Variants in VIT observed in about 807,000 individuals in gnomAD.
The protein encoded by VIT is vitrin.
VIT carries 99 observed loss-of-function variants against 78.0 expected under a neutral mutation model. That is an observed-to-expected ratio of 1.27 (90% CI 1.08 to 1.50). VIT has a LOEUF of 1.50. VIT is among the 40% of genes most tolerant of loss of function. The pLI is 0.00. For missense variants in VIT, 1,126 were observed against 875.3 expected, an observed-to-expected ratio of 1.29 and a Z score of -3.61; for synonymous variants, 374 against 334.3, an observed-to-expected ratio of 1.12 and a Z score of -1.29.
At chr2:36,716,094 A>T (rs926235788) in intron 1 of VIT, among the ~76,000 whole-genome samples, 6 of 152,184 alleles carry the variant, frequency 3.9e-5, no homozygotes, top group African/African-American at 1.2e-4. Flanking sequence ...TTTCCTCTTC[A>T]GTTCTAAGTA....
intron 3 of VIT, among the ~76,000 whole-genome samples, chr2:36,729,999 G>GA (rs1667095125): frequency 6.6e-6 from 1 of 152,164 alleles, no homozygotes; most frequent in African/African-American, 2.4e-5. Flanking sequence ...TTAGATGACA[G>GA]AAAATCTGGA....
At chr2:36,737,112 A>G (rs1241361728) in intron 3 of VIT, among the ~76,000 whole-genome samples, 2 of 152,222 alleles carry the variant, frequency 1.3e-5, no homozygotes, top group African/African-American at 4.8e-5. Context: ...GGAGTCTACA[A>G]TAGGACTCCT....
intron 2 of VIT, among the ~76,000 whole-genome samples, chr2:36,722,216 G>T (rs1467553960): frequency 6.6e-6 from 1 of 152,160 alleles, no homozygotes; most frequent in Non-Finnish European, 1.5e-5. Flanking sequence ...CATTGTCATT[G>T]GAGTATTGTT....
At chr2:36,801,910 G>A (rs1017002135) in intron 13 of VIT, among the ~76,000 whole-genome samples, 1 of 152,182 alleles carries the variant, frequency 6.6e-6, no homozygotes, top group African/African-American at 2.4e-5. Context: ...TTTGCAAGAA[G>A]GGGTAGCATT....
At chr2:36,790,925 C>T in intron 12 of VIT, among the ~76,000 whole-genome samples, 1 of 151,964 alleles carries the variant, frequency 6.6e-6, no homozygotes, top group East Asian at 1.9e-4. Flanking sequence ...GCCAGGCAAG[C>T]CATTAGGTGA....
chr2:36,796,249 T>A (rs1216478311), intron 12 of VIT, among the ~76,000 whole-genome samples: 1 of 152,204 alleles, frequency 6.6e-6, no homozygotes, highest in Admixed American at 6.5e-5. Context: ...ATACTGCATA[T>A]AATTAACTAT....
chr2:36,699,273 A>G (rs1390071667), intron 1 of VIT, among the ~76,000 whole-genome samples: 1 of 112,800 alleles, frequency 8.9e-6, no homozygotes, highest in Non-Finnish European at 1.9e-5. Flanking sequence ...TACACAAGAT[A>G]GTCTCTAAGC....
At chr2:36,698,760 A>C (rs923714214) in intron 1 of VIT, among the ~76,000 whole-genome samples, 2 of 152,134 alleles carry the variant, frequency 1.3e-5, no homozygotes, top group Non-Finnish European at 2.9e-5. Context: ...CCTGGCCAAC[A>C]TGGTGAAACC....
At chr2:36,772,353 A>G (rs1171425593) in intron 7 of VIT, among the ~76,000 whole-genome samples, 1 of 152,164 alleles carries the variant, frequency 6.6e-6, no homozygotes, top group African/African-American at 2.4e-5. Flanking sequence ...CCTGACCGAC[A>G]TGGAGAAAAC....
chr2:36,752,578 T>C (rs1308156081), intron 4 of VIT, among the ~76,000 whole-genome samples: 1 of 152,166 alleles, frequency 6.6e-6, no homozygotes, highest in Non-Finnish European at 1.5e-5. Context: ...TGAGGTGGTA[T>C]TTACATAAAT....
intron 2 of VIT, among the ~76,000 whole-genome samples, chr2:36,721,404 T>C (rs914669434): frequency 1.3e-5 from 2 of 152,128 alleles, no homozygotes; most frequent in African/African-American, 4.8e-5. Context: ...TCTGCTCACA[T>C]GTCTCCACCT....
At chr2:36,776,442 G>GT (rs35789301) in intron 9 of VIT, among the ~76,000 whole-genome samples, 88,802 of 151,830 alleles carry the variant, frequency 0.58, 29,351 homozygotes, top group Non-Finnish European at 0.73. Flanking sequence ...TTAGAAAACA[G>GT]TTTTTTTTCA....
intron 13 of VIT, among the ~76,000 whole-genome samples, chr2:36,802,339 A>G (rs1367853604): frequency 2.6e-5 from 4 of 152,202 alleles, no homozygotes; most frequent in Non-Finnish European, 5.9e-5. Context: ...TCTCGGGGAA[A>G]GTGTTTCTGT....
intron 3 of VIT, among the ~76,000 whole-genome samples, chr2:36,732,974 A>T (rs1366411128): frequency 1.3e-5 from 2 of 152,228 alleles, no homozygotes; most frequent in East Asian, 3.8e-4. Context: ...AAGTAGTTCA[A>T]CATACAGAAA....
intron 6 of VIT, among the ~76,000 whole-genome samples, chr2:36,765,511 T>A (rs1270426268): frequency 6.6e-6 from 1 of 151,030 alleles, no homozygotes; most frequent in Non-Finnish European, 1.5e-5. Flanking sequence ...GAAAACAGCA[T>A]GAGGGACACC....
intron 5 of VIT, among the ~76,000 whole-genome samples, chr2:36,757,576 A>G (rs1668845322): frequency 6.6e-6 from 1 of 152,220 alleles, no homozygotes; most frequent in African/African-American, 2.4e-5. Context: ...AAATAACCTC[A>G]GTCATTGTCA....
rs1558520065 is a variant in VIT, at chr2:36,728,811, T to TAAAAA, written c.53-615_53-614insAAAAA. ...CTGGGCGACAGAGCAAGACTCCGTC[T>TAAAAA]CAAAAAAAAAAAAAAAAAGAAAAAA... On this transcript the variant is annotated intron_variant, in intron 2 of 15. Coordinates refer to ENST00000379242, the MANE Select transcript of VIT (RefSeq NM_053276.4). Among the ~76,000 whole-genome samples the TAAAAA allele has an allele frequency of 2.0e-3, 108 of 54,240 alleles. 13 individuals are homozygous for TAAAAA. Among genetic ancestry groups the TAAAAA allele is most frequent in the African/African-American group, 9.4e-3 (98 of 10,456 alleles). 35.6% of individuals were successfully genotyped at this position (54,240 alleles called of 152,430 possible).
rs1178319796 is a variant in VIT, at chr2:36,808,452, C to A, written c.1390-20C>A. ...GATTTGACCCTGACGTGGCGTGGGT[C>A]CCTCCCCTCTGTCTTCTAGGCCGTG... On this transcript the variant is annotated intron_variant, in intron 14 of 15. Coordinates refer to ENST00000379242, the MANE Select transcript of VIT (RefSeq NM_053276.4). The A allele has an allele frequency of 1.3e-6, 2 of 1,584,070 alleles. No homozygotes were observed. The highest frequency in any genetic ancestry group is 1.3e-5 in the African/African-American group (1 of 74,448).
chr2:36,741,583 A>G (rs1035620933), intron 3 of VIT, among the ~76,000 whole-genome samples: 2 of 152,176 alleles, frequency 1.3e-5, no homozygotes, highest in Admixed American at 6.5e-5. Flanking sequence ...TTAAAAAAGA[A>G]TATGCTTTTT....
Sources: gnomAD v4.1 joint callset for allele counts (sites outside exome capture counted in the v4.1 genomes callset) on GRCh38, gnomAD v4.1.1 for gene constraint, MANE v1.5 for transcripts, NCBI Gene and HGNC (gene_info 2026-07-23, HGNC 2026-07-21) for gene names.